Variants in KIAA0319 observed in about 807,000 individuals in gnomAD.
KIAA0319 encodes the protein KIAA0319, also known as dyslexia-associated protein KIAA0319.
Under a neutral mutation model 108.4 loss-of-function variants are expected in KIAA0319, and 83 were observed. The ratio of observed to expected loss-of-function variants is 0.77; its 90% CI spans 0.64 to 0.92. The LOEUF (loss-of-function observed/expected upper bound fraction) is 0.92, where lower values mean the gene tolerates loss of function less well. Among genes scored for constraint, KIAA0319 ranks in the 40% least tolerant of loss-of-function variants. KIAA0319 has a pLI of 0.00. For synonymous variants in KIAA0319, 484 were observed against 510.4 expected (o/e 0.95, Z 0.70); for missense variants, 1,195 against 1,322.4 (o/e 0.90, Z 1.49).
At chr6:24,575,234 C>A (rs959388533) in intron 10 of KIAA0319, among the ~76,000 whole-genome samples, 15 of 152,156 alleles carry the variant, frequency 9.9e-5, no homozygotes, top group African/African-American at 2.9e-4. Context: ...GGCAACTGGG[C>A]TGGTGTGTAG....
chr6:24,599,524 A>G lies in KIAA0319; in HGVS notation c.55+1525T>C. On this transcript the variant is annotated intron_variant, in intron 2 of 20. Coordinates refer to ENST00000378214, the MANE Select transcript of KIAA0319 (RefSeq NM_014809.4). The surrounding 1 kb of genome is among the most constrained non-coding windows in gnomAD (Gnocchi z 4.1). ...ACCCTGGACATCGAGATTGTCACCT[A>G]CAGGAAGGTGCTGGAGGGCGAGGAG... 1.8e-6 allele frequency: 1 copy of G among 569,438 alleles called. No homozygotes were observed. Among genetic ancestry groups the G allele is most frequent in the Non-Finnish European group, 3.4e-6 (1 of 296,300 alleles). The allele number at this position is 569,438 out of a possible 1,614,324, so 35.3% of individuals were successfully genotyped here.
chr6:24,616,239 A>T (rs1397484990), intron 1 of KIAA0319, among the ~76,000 whole-genome samples: 1 of 152,272 alleles, frequency 6.6e-6, no homozygotes, highest in Non-Finnish European at 1.5e-5. Flanking sequence ...ATCCAGTATG[A>T]TCCTCTTGAG....
At chr6:24,594,655 CACTT>C (rs1769178312) in intron 3 of KIAA0319, among the ~76,000 whole-genome samples, 4 of 143,668 alleles carry the variant, frequency 2.8e-5, no homozygotes, top group Admixed American at 1.4e-4. Context: ...AAAAAAAAAA[CACTT>C]AAAAATGACT....
At chr6:24,578,500 T>C (rs1765873750) in intron 8 of KIAA0319, among the ~76,000 whole-genome samples, 1 of 152,210 alleles carries the variant, frequency 6.6e-6, no homozygotes, top group Non-Finnish European at 1.5e-5. Flanking sequence ...CAGTGACAGA[T>C]GCTTTTGCTT....
At chr6:24,604,708 C>A (rs1341654069) in intron 1 of KIAA0319, among the ~76,000 whole-genome samples, 1 of 152,170 alleles carries the variant, frequency 6.6e-6, no homozygotes, top group Non-Finnish European at 1.5e-5. Flanking sequence ...ATTTAAGGTT[C>A]TTTCTTTGGG....
In KIAA0319 at chr6:24,544,554, T is replaced by G. The variant is rs1195993145; in HGVS notation, c.*2611A>C. 3.3e-5 allele frequency: 5 copies of G among 152,204 alleles called. No individual in the cohort carries two copies. Among genetic ancestry groups the G allele is most frequent in the African/African-American group, 9.7e-5 (4 of 41,448 alleles). 9.4% of individuals were successfully genotyped at this position (152,204 alleles called of 1,614,324 possible). A position where few individuals can be genotyped will look rare whatever the true frequency, so the allele number is the denominator to read the frequency against. On this transcript the variant is annotated 3_prime_UTR_variant, in exon 21 of 21. Transcript: ENST00000378214. ...CTGGCTTGTTGAGTGGTACATTTTC[T>G]TACCTTGCTGCATGTTTTTCAGATA... is the stretch of plus-strand genomic sequence containing the variant.
intron 1 of KIAA0319, among the ~76,000 whole-genome samples, chr6:24,608,441 A>C (rs1174488105): frequency 6.6e-6 from 1 of 152,104 alleles, no homozygotes; most frequent in Non-Finnish European, 1.5e-5. Flanking sequence ...CACATGGGAA[A>C]ATTAACAAGA....
At chr6:24,581,828 C>T (rs1237206709) in intron 6 of KIAA0319, among the ~76,000 whole-genome samples, 1 of 152,156 alleles carries the variant, frequency 6.6e-6, no homozygotes, top group Non-Finnish European at 1.5e-5. Context: ...CATTCATATC[C>T]TACTTTTGAT....
In KIAA0319 at chr6:24,599,052, G is replaced by T; in HGVS notation, c.55+1997C>A. The T allele has an allele frequency of 1.3e-6, 1 of 746,166 alleles. No individual in the cohort carries two copies. The allele number at this position is 746,166 out of a possible 1,614,324, so 46.2% of individuals were successfully genotyped here. ...GCAGCTGTATGAAGAGGAGATCCAG[G>T]AGCTGCAGTCCCAGATCTGGGACAC... On this transcript the variant is annotated intron_variant, in intron 2 of 20. Coordinates refer to ENST00000378214, the MANE Select transcript of KIAA0319 (RefSeq NM_014809.4). This position sits in a 1 kb window ranked among gnomAD's most constrained non-coding sequence, Gnocchi z 4.1.
At chr6:24,627,478 C>T (rs751215888) in intron 1 of KIAA0319, among the ~76,000 whole-genome samples, 41 of 151,982 alleles carry the variant, frequency 2.7e-4, no homozygotes, top group Non-Finnish European at 5.9e-4. Flanking sequence ...TTTTTTTCCT[C>T]CCTCCTTCCC....
intron 1 of KIAA0319, among the ~76,000 whole-genome samples, chr6:24,620,671 G>A (rs1254883555): frequency 6.6e-6 from 1 of 152,080 alleles, no homozygotes; most frequent in African/African-American, 2.4e-5. Context: ...GTCTGCTCAA[G>A]CTTCCATAAA....
intron 2 of KIAA0319, chr6:24,598,516 G>A (rs1179733374): frequency 4.4e-6 from 2 of 455,332 alleles, no homozygotes; most frequent in Non-Finnish European, 4.2e-6. Context: ...GAAGCTGGAG[G>A]CCGAGTTTGG....
intron 3 of KIAA0319, among the ~76,000 whole-genome samples, chr6:24,590,087 A>G (rs921300332): frequency 1.3e-5 from 2 of 152,230 alleles, no homozygotes; most frequent in African/African-American, 4.8e-5. Context: ...TATAATTCAA[A>G]TGTAAATCAG....
chr6:24,644,395 T>C (rs751368258), intron 1 of KIAA0319, among the ~76,000 whole-genome samples: 60 of 152,316 alleles, frequency 3.9e-4, no homozygotes, highest in Non-Finnish European at 7.1e-4. Flanking sequence ...ATTAGAAGTG[T>C]TGTGGTCTTT....
At chr6:24,565,356 A>G (rs1417345185) in intron 14 of KIAA0319, among the ~76,000 whole-genome samples, 3 of 152,010 alleles carry the variant, frequency 2.0e-5, no homozygotes, top group Admixed American at 1.3e-4. Context: ...AAATGGCAGG[A>G]ATGAAGACGT....
intron 1 of KIAA0319, among the ~76,000 whole-genome samples, chr6:24,601,544 CAG>C (rs1246736477): frequency 2.0e-5 from 3 of 152,136 alleles, no homozygotes; most frequent in Non-Finnish European, 4.4e-5. Context: ...CAAAGACAGG[CAG>C]AGGAGTGGGA....
In KIAA0319 at chr6:24,568,933, T is replaced by C; in HGVS notation, c.1992-4A>G. 1.2e-6 allele frequency: 2 copies of C among 1,614,008 alleles called. No individual in the cohort carries two copies. The highest frequency in any genetic ancestry group is 1.7e-6 in the Non-Finnish European group (2 of 1,179,864). On this transcript the variant is annotated splice_polypyrimidine_tract_variant and splice_region_variant and intron_variant, in intron 12 of 20. Transcript: ENST00000378214. ...CATCTCCACTGCACTGGGGCCTCTATAAAACATAGAAGTGGTTAACATAAG... is the reference window on the plus strand; with the variant it reads ...CATCTCCACTGCACTGGGGCCTCTACAAAACATAGAAGTGGTTAACATAAG...
chr6:24,622,762 G>T (rs1367676722), intron 1 of KIAA0319, among the ~76,000 whole-genome samples: 1 of 152,146 alleles, frequency 6.6e-6, no homozygotes, highest in Non-Finnish European at 1.5e-5. Context: ...AGAGATTAAT[G>T]GCTGGGCACG....
chr6:24,610,259 A>C (rs1037630140), intron 1 of KIAA0319, among the ~76,000 whole-genome samples: 1 of 152,190 alleles, frequency 6.6e-6, no homozygotes, highest in African/African-American at 2.4e-5. Context: ...AAATCATTTT[A>C]AATATGAACA....
Sources: gnomAD v4.1 joint callset for allele counts (sites outside exome capture counted in the v4.1 genomes callset) on GRCh38, gnomAD v4.1.1 for gene constraint, Gnocchi (gnomAD v3.1) non-coding constraint, MANE v1.5 for transcripts, NCBI Gene and HGNC (gene_info 2026-07-23, HGNC 2026-07-21) for gene names.